The following RHBG variants were observed in gnomAD, a reference collection of about 807,000 sequenced individuals.
The protein encoded by RHBG is Rh family B glycoprotein, also known as ammonium transporter Rh type B.
In RHBG, 39 loss-of-function variants were observed where a neutral mutation model predicts 40.1. The observed-to-expected ratio is 0.97, with a 90% confidence interval of 0.75 to 1.27. The LOEUF (loss-of-function observed/expected upper bound fraction) is 1.27. Ranked by LOEUF, RHBG falls within the 50% of genes most tolerant of loss-of-function variation. The pLI is 0.00. For missense variants in RHBG, 549 were observed against 588.1 expected, an observed-to-expected ratio of 0.93 and a Z score of 0.69; for synonymous variants, 237 against 252.5, an observed-to-expected ratio of 0.94 and a Z score of 0.58.
chr1:156,384,456 G>A (rs1236481647), intron 8 of RHBG, 71 bp from the exon 9 acceptor site: 1 of 1,396,774 alleles, frequency 7.2e-7, no homozygotes, highest in Non-Finnish European at 1.0e-6. Context: ...TGTGCCCTGT[G>A]GCACTGGGTG....
At position 156,381,858 on chromosome 1, in the gene RHBG, G is replaced by A; in HGVS notation, c.893G>A (p.Ser298Asn). The change falls in exon 6 of 10, where the codon AGT (serine) becomes AAT (asparagine). Residue 298 changes from serine to asparagine, a missense_variant. Around this residue, in one of 3 missense-constraint regions of RHBG, gnomAD observed 399 missense variants for 417.0 expected, o/e 0.96. Coordinates refer to ENST00000537040, the MANE Select transcript of RHBG (RefSeq NM_020407.5). Reference protein sequence around the residue: ...LAGGVVVGTSSEMMLTPFGAL... With the variant: ...LAGGVVVGTSNEMMLTPFGAL... ...GGAGGGGTTGTGGTGGGGACCTCAAGTGAAATGATGCTGACACCCTTTGGG... is the reference window on the plus strand; with the variant it reads ...GGAGGGGTTGTGGTGGGGACCTCAAATGAAATGATGCTGACACCCTTTGGG... The A allele has an allele frequency of 6.3e-7, 1 of 1,598,964 alleles. No individual in the cohort carries two copies. The highest frequency in any genetic ancestry group is 8.5e-7 in the Non-Finnish European group (1 of 1,176,628).
intron 1 of RHBG, 143 bp downstream of exon 1, chr1:156,369,579 A>G (rs1159594588): frequency 5.6e-6 from 5 of 886,798 alleles, no homozygotes; most frequent in Middle Eastern, 2.3e-4. Flanking sequence ...TGGGTTTAAA[A>G]TCTCACCCTT....
rs757994251 is a variant in RHBG at position 156,377,980 on chromosome 1, C to T, written c.375-10C>T. On this transcript the variant is annotated splice_polypyrimidine_tract_variant and intron_variant, in intron 2 of 9. Transcript: ENST00000537040. The surrounding 1 kb of genome is among the most constrained non-coding windows in gnomAD (Gnocchi z 4.6). ...CCCCTCTTGTGCTCCCACTTCTGCCCCATCCCCAGCATGATCAATGCTGAC... is the reference window on the plus strand; with the variant it reads ...CCCCTCTTGTGCTCCCACTTCTGCCTCATCCCCAGCATGATCAATGCTGAC... 1.1e-5 allele frequency: 17 copies of T among 1,532,374 alleles called. No homozygotes were observed. In the African/African-American group the frequency reaches 1.7e-4, roughly 15 times the overall value. 94.9% of individuals were successfully genotyped at this position (1,532,374 alleles called of 1,614,324 possible).
Position 156,382,730 on chromosome 1 carries a change from T to C in RHBG, c.1113-18T>C, listed in dbSNP as rs2101805580. On this transcript the variant is annotated intron_variant, in intron 7 of 9. Transcript: ENST00000537040. ...TCTCTCCCTACCCCTGCCTTTCCTCTATCTGGTCTCCCTGCAGCCTGGAGA... is the reference window on the plus strand; with the variant it reads ...TCTCTCCCTACCCCTGCCTTTCCTCCATCTGGTCTCCCTGCAGCCTGGAGA... 1.2e-6 allele frequency: 2 copies of C among 1,613,854 alleles called. No individual in the cohort carries two copies. The highest frequency in any genetic ancestry group is 3.3e-5 in the Admixed American group (2 of 60,022).
chr1:156,375,039 T>C (rs1667093694), intron 1 of RHBG, among the ~76,000 whole-genome samples: 1 of 151,864 alleles, frequency 6.6e-6, no homozygotes, highest in African/African-American at 2.4e-5. Context: ...ACATTTAGTG[T>C]CCCAACCCTA....
intron 7 of RHBG, 153 bp downstream of exon 7, chr1:156,382,354 C>G (rs936191632): frequency 3.7e-6 from 4 of 1,071,054 alleles, no homozygotes; most frequent in East Asian, 2.5e-5. Context: ...AAAACCAACC[C>G]AGAAACTGCC....
At chr1:156,376,853 C>T (rs1429625734) in intron 1 of RHBG, among the ~76,000 whole-genome samples, 2 of 152,030 alleles carry the variant, frequency 1.3e-5, no homozygotes, top group Non-Finnish European at 2.9e-5. Context: ...CTTAAAAATC[C>T]TCAAAAGGAA....
intron 1 of RHBG, among the ~76,000 whole-genome samples, chr1:156,374,393 C>G (rs1334247935): frequency 6.6e-6 from 1 of 152,086 alleles, no homozygotes; most frequent in South Asian, 2.1e-4. Context: ...CTATAACAAT[C>G]TCTCCCTATT....
At chr1:156,375,165 G>T (rs1014826640) in intron 1 of RHBG, among the ~76,000 whole-genome samples, 1 of 151,936 alleles carries the variant, frequency 6.6e-6, no homozygotes. Flanking sequence ...TCCACCTCCC[G>T]GGTCAAGCGA....
At chr1:156,382,314 A>G in intron 7 of RHBG, 113 bp downstream of exon 7, 1 of 1,529,850 alleles carries the variant, frequency 6.5e-7, no homozygotes, top group Non-Finnish European at 9.0e-7. Context: ...ATTCATCCAT[A>G]TTCTGGGAGC....
Position 156,377,921 on chromosome 1 carries a change from T to A in RHBG, c.375-69T>A. 2.7e-5 allele frequency: 30 copies of A among 1,121,324 alleles called. No individual in the cohort carries two copies. Among genetic ancestry groups the A allele is most frequent in the Non-Finnish European group, 3.2e-5 (25 of 790,616 alleles). The allele number at this position is 1,121,324 out of a possible 1,614,324, so 69.5% of individuals were successfully genotyped here. On this transcript the variant is annotated intron_variant, in intron 2 of 9. Coordinates refer to ENST00000537040, the MANE Select transcript of RHBG (RefSeq NM_020407.5). The surrounding 1 kb of genome is among the most constrained non-coding windows in gnomAD (Gnocchi z 4.6). ...ACCACATCATGCTGTCCTGGCTTCATGCCAGGCAGGAACCCCGAGGCCAGC... is the reference window on the plus strand; with the variant it reads ...ACCACATCATGCTGTCCTGGCTTCAAGCCAGGCAGGAACCCCGAGGCCAGC...
chr1:156,380,286 G>A (rs1281713136), intron 4 of RHBG, among the ~76,000 whole-genome samples: 1 of 151,642 alleles, frequency 6.6e-6, no homozygotes, highest in African/African-American at 2.4e-5. Flanking sequence ...AATTTTAGTA[G>A]AGACAGGTTT....
intron 1 of RHBG, among the ~76,000 whole-genome samples, chr1:156,374,160 A>G (rs745369119): frequency 6.6e-6 from 1 of 152,032 alleles, no homozygotes; most frequent in Non-Finnish European, 1.5e-5. Context: ...CGCGAACCCT[A>G]TTGCGAACTG....
intron 8 of RHBG, 119 bp from the exon 9 acceptor site, chr1:156,384,408 G>T: frequency 1.1e-6 from 1 of 901,574 alleles, no homozygotes; most frequent in Non-Finnish European, 1.9e-6. Context: ...TGTTTTGCCT[G>T]CACAGGCATC....
Position 156,381,406 on chromosome 1 carries a change from G to T in RHBG, c.733G>T (p.Ala245Ser). ...CAATGCTGCACTCACAGCGCTGGGG[G>T]CTGGGCAGCATCGGACGGCCCTCAA... is the stretch of plus-strand genomic sequence containing the variant. Reference protein sequence around the residue: ...SFNAALTALGAGQHRTALNTY... With the variant: ...SFNAALTALGSGQHRTALNTY... The change falls in exon 5 of 10, where the codon GCT (alanine) becomes TCT (serine). Residue 245 changes from alanine (A) to serine (S), a missense_variant. Transcript: ENST00000537040. 6.2e-7 allele frequency: 1 copy of T among 1,614,166 alleles called. No homozygotes were observed. The highest frequency in any genetic ancestry group is 1.1e-5 in the South Asian group (1 of 91,086).
At position 156,385,159 on chromosome 1, in the gene RHBG, C is replaced by G. The variant is rs1403035631; in HGVS notation, c.*314C>G. 1 of 307,372 alleles carries G rather than the reference C, an allele frequency of 3.3e-6. No individual in the cohort carries two copies. The highest frequency in any genetic ancestry group is 6.2e-6 in the Non-Finnish European group (1 of 161,386). The allele number at this position is 307,372 out of a possible 1,614,324, so 19.0% of individuals were successfully genotyped here. On this transcript the variant is annotated 3_prime_UTR_variant, in exon 10 of 10. Coordinates refer to ENST00000537040, the MANE Select transcript of RHBG (RefSeq NM_020407.5). ...CAAGTGATCCACTGGCCCCACGTCA[C>G]ACAGTTACAGTGAAGCCCAAGCCAG...
chr1:156,381,730 C>T, intron 5 of RHBG, 76 bp from the exon 6 acceptor site: 2 of 1,517,966 alleles, frequency 1.3e-6, no homozygotes, highest in South Asian at 1.3e-5. Context: ...CAGTAGGTGT[C>T]ACTGTGGTGT....
In RHBG at chr1:156,377,231, G is replaced by A; in HGVS notation, c.188-70G>A. 1 of 1,519,430 alleles carries A rather than the reference G, an allele frequency of 6.6e-7. No homozygotes were observed. Among genetic ancestry groups the A allele is most frequent in the South Asian group, 1.2e-5 (1 of 83,338 alleles). The allele number at this position is 1,519,430 out of a possible 1,614,324, so 94.1% of individuals were successfully genotyped here. ...GGTGAGAGCCAGGGGCACTGGCAGG[G>A]TAGCTGACTGGATTGTGGGCTATGG... On this transcript the variant is annotated intron_variant, in intron 1 of 9. Coordinates refer to ENST00000537040, the MANE Select transcript of RHBG (RefSeq NM_020407.5). This position sits in a 1 kb window ranked among gnomAD's most constrained non-coding sequence, Gnocchi z 4.6.
chr1:156,378,935 C>A (rs1667422032), intron 4 of RHBG, among the ~76,000 whole-genome samples: 1 of 152,146 alleles, frequency 6.6e-6, no homozygotes, highest in African/African-American at 2.4e-5. Flanking sequence ...TTGGGTCACC[C>A]CAGGGACCCA....
Sources: allele counts gnomAD v4.1 joint callset (sites outside exome capture counted in the v4.1 genomes callset), GRCh38; gene constraint gnomAD v4.1.1; regional missense constraint gnomAD v4.1.1; non-coding constraint Gnocchi (gnomAD v3.1); transcripts MANE v1.5; gene names NCBI Gene and HGNC (gene_info 2026-07-23, HGNC 2026-07-21).